The following MACROD2 variants were observed in gnomAD, a reference collection of about 807,000 sequenced individuals.
MACROD2 encodes the protein ADP-ribose glycohydrolase MACROD2.
A neutral mutation model predicts 70.4 loss-of-function variants in MACROD2; 36 were observed. That is an observed-to-expected ratio of 0.51 (90% CI 0.39 to 0.68). The LOEUF is 0.68. MACROD2 is among the 30% of genes least tolerant of loss of function. MACROD2 has a pLI of 0.00. For missense variants in MACROD2, 496 were observed against 538.4 expected, an observed-to-expected ratio of 0.92 and a Z score of 0.78; for synonymous variants, 172 against 178.8, an observed-to-expected ratio of 0.96 and a Z score of 0.30.
rs2082804236 is a variant in MACROD2, at chr20:14,330,004, AG to A, written c.272-163474del. On this transcript the variant is annotated intron_variant, in intron 3 of 17. Coordinates refer to ENST00000684519, the MANE Select transcript of MACROD2 (RefSeq NM_001351661.2). ...TTCAAGTCATATTTAGTTTTTCTGGAGAATACTGTTCTAATTTTCTTTTAGC... is the reference window on the plus strand; with the variant it reads ...TTCAAGTCATATTTAGTTTTTCTGGAAATACTGTTCTAATTTTCTTTTAGC... Among the ~76,000 whole-genome samples, 4 of 152,106 alleles carry A rather than the reference AG, an allele frequency of 2.6e-5. No homozygotes were observed. The South Asian group carries it at 8.3e-4, about 32-fold the overall frequency.
At chr20:15,134,752 C>A (rs2123286618) in intron 5 of MACROD2, among the ~76,000 whole-genome samples, 1 of 152,174 alleles carries the variant, frequency 6.6e-6, no homozygotes, top group East Asian at 1.9e-4. Context: ...ACACAAAAAA[C>A]CCTTCAAAAA....
intron 7 of MACROD2, among the ~76,000 whole-genome samples, chr20:15,435,412 G>T (rs2046415665): frequency 2.0e-5 from 3 of 152,020 alleles, no homozygotes; most frequent in Non-Finnish European, 4.4e-5. Flanking sequence ...CAAAAGAATT[G>T]TTAGATCATA....
At chr20:14,492,664 C>T (rs565512047) in intron 3 of MACROD2, among the ~76,000 whole-genome samples, 28 of 152,182 alleles carry the variant, frequency 1.8e-4, no homozygotes, top group African/African-American at 5.5e-4. Flanking sequence ...CCCTGTAATA[C>T]TGCTTGGCTA....
chr20:14,064,475 C>G (rs781178291), intron 2 of MACROD2, among the ~76,000 whole-genome samples: 2 of 152,162 alleles, frequency 1.3e-5, no homozygotes, highest in Non-Finnish European at 2.9e-5. Flanking sequence ...AGCTGGCTCT[C>G]GCACCTGCAT....
intron 4 of MACROD2, among the ~76,000 whole-genome samples, chr20:14,559,007 G>A (rs558401883): frequency 4.0e-5 from 6 of 151,708 alleles, no homozygotes; most frequent in African/African-American, 9.7e-5. Flanking sequence ...GTACTGAATC[G>A]ATTTAATTCC....
intron 5 of MACROD2, among the ~76,000 whole-genome samples, chr20:14,897,240 G>C (rs6135297): frequency 6.6e-6 from 1 of 151,910 alleles, no homozygotes. Context: ...CACAGACTCA[G>C]GTTTTATGGC....
intron 4 of MACROD2, among the ~76,000 whole-genome samples, chr20:14,633,770 C>G (rs1370643155): frequency 4.6e-5 from 7 of 152,160 alleles, no homozygotes; most frequent in African/African-American, 1.7e-4. Flanking sequence ...CATCACCAGA[C>G]ACATAAGTCC....
At chr20:14,588,171 T>G (rs1981513759) in intron 4 of MACROD2, among the ~76,000 whole-genome samples, 1 of 152,156 alleles carries the variant, frequency 6.6e-6, no homozygotes. Context: ...GGAGTAAATC[T>G]TTGACCATCC....
intron 5 of MACROD2, among the ~76,000 whole-genome samples, chr20:15,206,639 C>G (rs56272110): frequency 7.0e-6 from 1 of 142,734 alleles, no homozygotes; most frequent in East Asian, 2.0e-4. Context: ...TTATTTTTTT[C>G]TTTTCTTAAT....
intron 5 of MACROD2, among the ~76,000 whole-genome samples, chr20:14,949,568 T>C (rs2074459129): frequency 6.6e-6 from 1 of 152,138 alleles, no homozygotes. Flanking sequence ...TAACAGTTAA[T>C]AAAAAGTAAT....
intron 13 of MACROD2, among the ~76,000 whole-genome samples, chr20:15,973,348 G>C (rs1266018056): frequency 6.6e-6 from 1 of 152,078 alleles, no homozygotes; most frequent in South Asian, 2.1e-4. Context: ...GCTAGAAGAA[G>C]GAAGAGTTGC....
intron 5 of MACROD2, among the ~76,000 whole-genome samples, chr20:15,153,946 C>A (rs1441840156): frequency 1.3e-5 from 2 of 152,294 alleles, no homozygotes; most frequent in African/African-American, 4.8e-5. Flanking sequence ...TTACTGTGAA[C>A]AACACAAATG....
intron 6 of MACROD2, among the ~76,000 whole-genome samples, chr20:15,396,839 A>C (rs1156383945): frequency 6.6e-6 from 1 of 152,118 alleles, no homozygotes; most frequent in African/African-American, 2.4e-5. Flanking sequence ...TCATGGGCCT[A>C]CTGGGAACAC....
intron 3 of MACROD2, among the ~76,000 whole-genome samples, chr20:14,098,288 T>G (rs975589825): frequency 1.3e-5 from 2 of 152,234 alleles, no homozygotes. Flanking sequence ...GTGACAGTAT[T>G]TACTTGAATT....
intron 8 of MACROD2, among the ~76,000 whole-genome samples, chr20:15,568,988 G>C (rs1482649559): frequency 6.6e-6 from 1 of 152,142 alleles, no homozygotes; most frequent in Non-Finnish European, 1.5e-5. Flanking sequence ...CATGATCACA[G>C]CCTGAGAGAA....
At chr20:15,555,856 G>GAAAAAAAAAAAAAAA (rs2048163082) in intron 8 of MACROD2, among the ~76,000 whole-genome samples, 1 of 80,756 alleles carries the variant, frequency 1.2e-5, no homozygotes, top group African/African-American at 7.8e-5. Flanking sequence ...AAAAAAAAAG[G>GAAAAAAAAAAAAAAA]AAAAGAAAAG....
In MACROD2 at chr20:15,678,445, T is replaced by C. The variant is rs372571678; in HGVS notation, c.645+178598T>C. ...CATGATCTCGGCTCACTGCAAGCTC[T>C]GCCTCCCGGGTTCACGCCATTCTCC... On this transcript the variant is annotated intron_variant, in intron 8 of 17. Coordinates refer to ENST00000684519, the MANE Select transcript of MACROD2 (RefSeq NM_001351661.2). Among the ~76,000 whole-genome samples, 420 of 151,962 alleles carry C rather than the reference T, an allele frequency of 2.8e-3. 1 individual carries two copies. Among genetic ancestry groups the C allele is most frequent in the Non-Finnish European group, 3.0e-3 (206 of 67,942 alleles).
intron 5 of MACROD2, among the ~76,000 whole-genome samples, chr20:15,120,476 A>G (rs2076022418): frequency 6.6e-6 from 1 of 152,178 alleles, no homozygotes; most frequent in South Asian, 2.1e-4. Flanking sequence ...CGTTTTATTT[A>G]AAGCCAGCAC....
chr20:14,578,449 T>C (rs548960643), intron 4 of MACROD2, among the ~76,000 whole-genome samples: 1 of 152,300 alleles, frequency 6.6e-6, no homozygotes, highest in East Asian at 1.9e-4. Flanking sequence ...CCAGGTATTT[T>C]TGACTGCCTC....
Sources: allele counts gnomAD v4.1 joint callset (sites outside exome capture counted in the v4.1 genomes callset), GRCh38; gene constraint gnomAD v4.1.1; transcripts MANE v1.5; gene names NCBI Gene and HGNC (gene_info 2026-07-23, HGNC 2026-07-21).